Variants in CISD1 observed in about 807,000 individuals in gnomAD.
The protein encoded by CISD1 is CDGSH iron sulfur domain 1.
Under a neutral mutation model 12.0 loss-of-function variants are expected in CISD1, and 8 were observed. The observed-to-expected ratio is 0.67, with a 90% confidence interval of 0.39 to 1.20. CISD1 has a LOEUF of 1.20. Among genes scored for constraint, CISD1 ranks in the 50% most tolerant of loss-of-function variants. CISD1 has a pLI of 0.01. For missense variants in CISD1, 107 were observed against 132.7 expected (o/e 0.81, Z 0.95); for synonymous variants, 38 against 42.2 (o/e 0.90, Z 0.39).
chr10:58,269,213 G>A lies in CISD1; in HGVS notation c.-61G>A. The stretch of plus-strand genomic sequence containing the variant: ...CGCCGCTGGCACCTTTACTCTCGCC[G>A]GCCGCGCGAACCCGTTTGAGCTCGG... On this transcript the variant is annotated 5_prime_UTR_variant, in exon 1 of 3. Coordinates refer to ENST00000333926, the MANE Select transcript of CISD1 (RefSeq NM_018464.5). 6.4e-7 allele frequency: 1 copy of A among 1,573,098 alleles called. No individual in the cohort carries two copies. The highest frequency in any genetic ancestry group is 8.7e-7 in the Non-Finnish European group (1 of 1,153,846).
intron 2 of CISD1, among the ~76,000 whole-genome samples, chr10:58,281,128 T>C (rs1839369606): frequency 6.6e-6 from 1 of 152,244 alleles, no homozygotes; most frequent in Non-Finnish European, 1.5e-5. Flanking sequence ...AAACTAAATA[T>C]GGGCTTTCAT....
rs1405771614 is a variant in CISD1 at position 58,269,803 on chromosome 10, AGTTTTC to A, written c.31+500_31+505del. 2.6e-5 allele frequency among the ~76,000 whole-genome samples: 4 copies of A among 152,166 alleles called. No individual in the cohort carries two copies. In the South Asian group the frequency reaches 8.3e-4, roughly 32 times the overall value. On this transcript the variant is annotated intron_variant, in intron 1 of 2. Coordinates refer to ENST00000333926, the MANE Select transcript of CISD1 (RefSeq NM_018464.5). ...GGATGAAACGCAATCCGAGGTTTTC[AGTTTTC>A]CCGGTTTTTTATTATTCCTCTGGCA...
At position 58,287,590 on chromosome 10, in the gene CISD1, A is replaced by G; in HGVS notation, c.267A>G (p.Lys89=). The change falls in exon 3 of 3, where the codon AAA becomes AAG. Residue 89 remains lysine, a synonymous_variant. Transcript: ENST00000333926. ...KFPFCDGAHT[K]HNEETGDNVG... is the part of the protein sequence containing the mutation. Reference sequence around the variant, plus strand: ...CATTCTGTGATGGGGCTCACACAAAACATAACGAAGAGACTGGAGACAATG... The same window carrying G: ...CATTCTGTGATGGGGCTCACACAAAGCATAACGAAGAGACTGGAGACAATG... 1.2e-6 allele frequency: 2 copies of G among 1,610,664 alleles called. No homozygotes were observed. Among genetic ancestry groups the G allele is most frequent in the Non-Finnish European group, 1.7e-6 (2 of 1,177,910 alleles).
At chr10:58,284,045 T>G (rs939269432) in intron 2 of CISD1, among the ~76,000 whole-genome samples, 1 of 152,220 alleles carries the variant, frequency 6.6e-6, no homozygotes, top group Non-Finnish European at 1.5e-5. Flanking sequence ...GTACATTATT[T>G]AATGTAAAAA....
At position 58,289,459 on chromosome 10, in the gene CISD1, G is replaced by A. The variant is rs1041723611; in HGVS notation, c.*1809G>A. On this transcript the variant is annotated 3_prime_UTR_variant, in exon 3 of 3. Coordinates refer to ENST00000333926, the MANE Select transcript of CISD1 (RefSeq NM_018464.5). ...CCTTACTGTGAAATATAGATCTTGAGCATTTTGAAAGGCCAAAATAATTAG... is the reference window on the plus strand; with the variant it reads ...CCTTACTGTGAAATATAGATCTTGAACATTTTGAAAGGCCAAAATAATTAG... 1 of 152,006 alleles carries A rather than the reference G, an allele frequency of 6.6e-6. No homozygotes were observed. The highest frequency in any genetic ancestry group is 6.6e-5 in the Admixed American group (1 of 15,262). The allele number at this position is 152,006 out of a possible 1,614,324, so 9.4% of individuals were successfully genotyped here.
intron 2 of CISD1, among the ~76,000 whole-genome samples, chr10:58,287,102 G>C (rs183600514): frequency 2.0e-5 from 3 of 152,128 alleles, no homozygotes; most frequent in Non-Finnish European, 1.5e-5. Context: ...TGTATTTTTA[G>C]TAGAGACAGG....
At chr10:58,276,857 C>G (rs1839320504) in intron 1 of CISD1, among the ~76,000 whole-genome samples, 1 of 150,972 alleles carries the variant, frequency 6.6e-6, no homozygotes, top group African/African-American at 2.4e-5. Context: ...TACTCCAGCT[C>G]TAAAATAATA....
chr10:58,286,304 G>A (rs552692236), intron 2 of CISD1, among the ~76,000 whole-genome samples: 2 of 152,020 alleles, frequency 1.3e-5, no homozygotes, highest in East Asian at 1.9e-4. Context: ...GTAGTAGGCC[G>A]ATCAACGTAA....
chr10:58,288,561 G>A lies in CISD1; in HGVS notation c.*911G>A, dbSNP rs1044889835. On this transcript the variant is annotated 3_prime_UTR_variant, in exon 3 of 3. Coordinates refer to ENST00000333926, the MANE Select transcript of CISD1 (RefSeq NM_018464.5). ...TCCCACTCTAGCTAATCAAGCACAT[G>A]GCTTTTAAATTGTATGATCTTTTTC... 2 of 152,048 alleles carry A rather than the reference G, an allele frequency of 1.3e-5. No individual in the cohort carries two copies. The highest frequency in any genetic ancestry group is 2.9e-5 in the Non-Finnish European group (2 of 67,948). The allele number at this position is 152,048 out of a possible 1,614,324, so 9.4% of individuals were successfully genotyped here.
At chr10:58,276,441 T>C (rs1306308339) in intron 1 of CISD1, among the ~76,000 whole-genome samples, 1 of 152,006 alleles carries the variant, frequency 6.6e-6, no homozygotes, top group Non-Finnish European at 1.5e-5. Flanking sequence ...ATTCTGATTT[T>C]TATTTTAATG....
intron 1 of CISD1, 66 bp from the exon 2 acceptor site, chr10:58,277,051 A>T (rs541607875): frequency 8.8e-7 from 1 of 1,137,662 alleles, no homozygotes; most frequent in Admixed American, 2.4e-5. Flanking sequence ...ATTTTCTGAC[A>T]TGCATGTGAT....
At chr10:58,271,443 T>C (rs975852999) in intron 1 of CISD1, among the ~76,000 whole-genome samples, 1 of 152,160 alleles carries the variant, frequency 6.6e-6, no homozygotes, top group Non-Finnish European at 1.5e-5. Context: ...TCCTCCTCAA[T>C]ATAGTAGTAG....
At chr10:58,269,359 C>G (rs961865056) in intron 1 of CISD1, 55 bp downstream of exon 1, 66 of 1,539,914 alleles carry the variant, frequency 4.3e-5, no homozygotes, top group Non-Finnish European at 5.6e-5. Context: ...GTTGCCGCGC[C>G]CGCAGTTCGA....
At position 58,269,174 on chromosome 10, in the gene CISD1, T is replaced by C. The variant is rs1302869778; in HGVS notation, c.-100T>C. ...GCGCCTGCGCGGTAGCATCGCGGAG[T>C]CGGTGCTTTAGTACGCCGCTGGCAC... On this transcript the variant is annotated 5_prime_UTR_variant, in exon 1 of 3. Coordinates refer to ENST00000333926, the MANE Select transcript of CISD1 (RefSeq NM_018464.5). 1 of 1,280,548 alleles carries C rather than the reference T, an allele frequency of 7.8e-7. No individual in the cohort carries two copies. Among genetic ancestry groups the C allele is most frequent in the Non-Finnish European group, 1.1e-6 (1 of 894,578 alleles). 79.3% of individuals were successfully genotyped at this position (1,280,548 alleles called of 1,614,324 possible). A position where few individuals can be genotyped will look rare whatever the true frequency, so the allele number is the denominator to read the frequency against.
chr10:58,285,960 CTT>C (rs1285719689), intron 2 of CISD1, among the ~76,000 whole-genome samples: 1 of 152,058 alleles, frequency 6.6e-6, no homozygotes, highest in Non-Finnish European at 1.5e-5. Flanking sequence ...AATCCCAGCA[CTT>C]TGGGAGGCCG....
chr10:58,269,385 A>G lies in CISD1; in HGVS notation c.31+81A>G, dbSNP rs919993489. On this transcript the variant is annotated intron_variant, in intron 1 of 2. Transcript: ENST00000333926. ...CGCAGTTCGACTGGGTTGTTTTACC[A>G]CTGCCCTACGCGCCCGCCGGTCCTA... is the stretch of plus-strand genomic sequence containing the variant. The G allele has an allele frequency of 4.6e-6, 6 of 1,302,078 alleles. No homozygotes were observed. The South Asian group carries it at 5.0e-5, about 11-fold the overall frequency. 80.7% of individuals were successfully genotyped at this position (1,302,078 alleles called of 1,614,324 possible).
intron 2 of CISD1, chr10:58,283,168 G>A (rs1839391546): frequency 6.6e-6 from 1 of 151,744 alleles, no homozygotes; most frequent in Non-Finnish European, 1.5e-5. Context: ...AGGGTGTTGG[G>A]GGAAAAAGAG....
At chr10:58,274,135 AAAAAAAG>A (rs201975101) in intron 1 of CISD1, among the ~76,000 whole-genome samples, 7,482 of 152,202 alleles carry the variant, frequency 0.049, 435 homozygotes, top group East Asian at 0.3. Context: ...TCCATCTCAA[AAAAAAAG>A]AAAAAAGAAA....
rs568508909 is a variant in CISD1, at chr10:58,276,539, A to G, written c.32-578A>G. 2.0e-5 allele frequency among the ~76,000 whole-genome samples: 3 copies of G among 151,994 alleles called. No individual in the cohort carries two copies. The East Asian group carries it at 5.8e-4, about 29-fold the overall frequency. ...ATCCTGCTACATATATTCCTTTGAA[A>G]ATTAACATTAAGGGTGGTTTTGTTT... On this transcript the variant is annotated intron_variant, in intron 1 of 2. Coordinates refer to ENST00000333926, the MANE Select transcript of CISD1 (RefSeq NM_018464.5).
Sources: gnomAD v4.1 joint callset for allele counts (sites outside exome capture counted in the v4.1 genomes callset) on GRCh38, gnomAD v4.1.1 for gene constraint, MANE v1.5 for transcripts, NCBI Gene and HGNC (gene_info 2026-07-23, HGNC 2026-07-21) for gene names.